The following MEI1 variants were observed in gnomAD, a reference collection of about 807,000 sequenced individuals.
MEI1 encodes meiotic double-stranded break formation protein 1.
In MEI1, 103 loss-of-function variants were observed where a neutral mutation model predicts 146.2. The ratio of observed to expected loss-of-function variants is 0.70; its 90% confidence interval spans 0.60 to 0.83. The LOEUF (loss-of-function observed/expected upper bound fraction) is 0.83. Among genes scored for constraint, MEI1 ranks in the 40% least tolerant of loss-of-function variants. The pLI is 0.00. For synonymous variants in MEI1, 652 were observed against 628.2 expected (o/e 1.04, Z -0.57); for missense variants, 1,529 against 1,533.0 (o/e 1.00, Z 0.04).
Position 41,784,790 on chromosome 22 carries a change from C to A in MEI1, c.3345+7C>A. The A allele has an allele frequency of 6.3e-7, 1 of 1,589,570 alleles. No homozygotes were observed. On this transcript the variant is annotated splice_region_variant and intron_variant, in intron 26 of 30. Coordinates refer to ENST00000401548, the MANE Select transcript of MEI1 (RefSeq NM_152513.4). ...GCAGAACCTCCTGGTGCAGGTAAGG[C>A]CCTTGCTGAGTGGGGCTTGCTTCTC...
At chr22:41,714,111 A>C in intron 4 of MEI1, 36 bp downstream of exon 4, 1 of 1,553,126 alleles carries the variant, frequency 6.4e-7, no homozygotes, top group Non-Finnish European at 8.8e-7. Flanking sequence ...AGTCTCTCAG[A>C]ATCCTCAGAT....
chr22:41,702,174 C>G (rs2068759312), intron 1 of MEI1, among the ~76,000 whole-genome samples: 1 of 152,200 alleles, frequency 6.6e-6, no homozygotes, highest in Admixed American at 6.5e-5. Context: ...TGGTTTCGCT[C>G]TCGTTGCCCA....
At chr22:41,791,866 A>G (rs1309116756) in intron 26 of MEI1, among the ~76,000 whole-genome samples, 1 of 152,246 alleles carries the variant, frequency 6.6e-6, no homozygotes, top group Non-Finnish European at 1.5e-5. Flanking sequence ...TGAGAACATT[A>G]AGTGAAAGAA....
intron 14 of MEI1, 99 bp downstream of exon 14, chr22:41,746,125 A>G: frequency 8.3e-7 from 1 of 1,207,764 alleles, no homozygotes; most frequent in Non-Finnish European, 1.1e-6. Context: ...TGCTCAAAGG[A>G]ACTCTCTGGG....
intron 15 of MEI1, 154 bp from the exon 16 acceptor site, chr22:41,752,437 T>C (rs989955052): frequency 1.5e-6 from 1 of 666,618 alleles, no homozygotes; most frequent in East Asian, 2.8e-5. Context: ...TAAAAAACTT[T>C]TCCGGAGTGA....
chr22:41,702,428 T>C (rs996523827), intron 1 of MEI1, among the ~76,000 whole-genome samples: 1 of 150,712 alleles, frequency 6.6e-6, no homozygotes, highest in African/African-American at 2.4e-5. Flanking sequence ...TGTGAGCCAC[T>C]GCACCCGGCT....
chr22:41,763,819 G>A (rs560983742), intron 19 of MEI1, among the ~76,000 whole-genome samples: 1 of 151,962 alleles, frequency 6.6e-6, no homozygotes, highest in African/African-American at 2.4e-5. Flanking sequence ...AGGATGCTAT[G>A]CAACAAACTC....
intron 7 of MEI1, among the ~76,000 whole-genome samples, chr22:41,724,296 G>A (rs1365324809): frequency 6.6e-6 from 1 of 152,100 alleles, no homozygotes; most frequent in Non-Finnish European, 1.5e-5. Context: ...AGACCAGCTT[G>A]GGCAATATGG....
At chr22:41,721,719 CTTTT>C (rs58572782) in intron 6 of MEI1, among the ~76,000 whole-genome samples, 1 of 102,212 alleles carries the variant, frequency 9.8e-6, no homozygotes, top group African/African-American at 4.1e-5. Context: ...AATGCTACCC[CTTTT>C]TTTTTTTTTT....
intron 22 of MEI1, among the ~76,000 whole-genome samples, chr22:41,780,942 A>G (rs2075729952): frequency 6.6e-6 from 1 of 152,158 alleles, no homozygotes; most frequent in Non-Finnish European, 1.5e-5. Flanking sequence ...AAGTGATGTG[A>G]GAGAGGGGAT....
rs571193551 is a variant in MEI1 at position 41,782,491 on chromosome 22, G to T, written c.3087+646G>T. On this transcript the variant is annotated intron_variant, in intron 24 of 30. Transcript: ENST00000401548. ...TCCTTCCCCTCAGCCCCTCCCTCTTGTAGGGCCTTGTCATCACAGTGCCCT... is the reference window on the plus strand; with the variant it reads ...TCCTTCCCCTCAGCCCCTCCCTCTTTTAGGGCCTTGTCATCACAGTGCCCT... Among the ~76,000 whole-genome samples the T allele has an allele frequency of 2.2e-4, 34 of 152,286 alleles. No individual in the cohort carries two copies. The South Asian group carries it at 7.1e-3, about 32-fold the overall frequency.
chr22:41,716,601 C>G (rs2070205909), intron 5 of MEI1, among the ~76,000 whole-genome samples: 1 of 151,676 alleles, frequency 6.6e-6, no homozygotes, highest in Non-Finnish European at 1.5e-5. Context: ...GTCTTGACCT[C>G]CCAACCTCAG....
chr22:41,712,530 C>T (rs1021017228), intron 3 of MEI1, among the ~76,000 whole-genome samples: 5 of 151,806 alleles, frequency 3.3e-5, no homozygotes, highest in Admixed American at 6.6e-5. Flanking sequence ...CCACTGCGCC[C>T]GGCTCAAAAG....
At chr22:41,711,999 C>T (rs865776654) in intron 3 of MEI1, among the ~76,000 whole-genome samples, 3 of 151,194 alleles carry the variant, frequency 2.0e-5, no homozygotes, top group Non-Finnish European at 4.4e-5. Context: ...GTTAGGAGTT[C>T]GAGACCAGCC....
chr22:41,711,586 G>A (rs2069575352), intron 3 of MEI1, among the ~76,000 whole-genome samples: 1 of 152,184 alleles, frequency 6.6e-6, no homozygotes, highest in Non-Finnish European at 1.5e-5. Context: ...TAAGGGTGAG[G>A]GGTGAAGGAC....
At chr22:41,732,221 C>A in intron 9 of MEI1, 24 bp from the exon 10 acceptor site, 2 of 1,575,422 alleles carry the variant, frequency 1.3e-6, no homozygotes, top group Non-Finnish European at 1.7e-6. Flanking sequence ...GATCCCTGGC[C>A]TCTGTCATGT....
chr22:41,777,304 C>T (rs1273976078), intron 21 of MEI1, among the ~76,000 whole-genome samples: 3 of 151,832 alleles, frequency 2.0e-5, no homozygotes, highest in African/African-American at 4.8e-5. Flanking sequence ...TACAGGCATG[C>T]GCCACTGCAC....
Position 41,795,294 on chromosome 22 carries a change from G to T in MEI1, c.3535-117G>T. On this transcript the variant is annotated intron_variant, in intron 28 of 30. Transcript: ENST00000401548. This position sits in a 1 kb window ranked among gnomAD's most constrained non-coding sequence, Gnocchi z 4.2. ...CCCACTAACTCTGAGCTCCTTGAAG[G>T]CAGGCAGGTTCTGTGGGCTTCAGGA... The T allele has an allele frequency of 7.1e-7, 1 of 1,400,778 alleles. No individual in the cohort carries two copies. Among genetic ancestry groups the T allele is most frequent in the Non-Finnish European group, 9.8e-7 (1 of 1,020,850 alleles). 86.8% of individuals were successfully genotyped at this position (1,400,778 alleles called of 1,614,324 possible). A position where few individuals can be genotyped will look rare whatever the true frequency, so the allele number is the denominator to read the frequency against.
At chr22:41,741,065 C>A (rs946654256) in intron 11 of MEI1, among the ~76,000 whole-genome samples, 3 of 152,190 alleles carry the variant, frequency 2.0e-5, no homozygotes, top group African/African-American at 7.2e-5. Context: ...CACGCGCCAC[C>A]ATGCCCAGCT....
Sources: gnomAD v4.1 joint callset for allele counts (sites outside exome capture counted in the v4.1 genomes callset) on GRCh38, gnomAD v4.1.1 for gene constraint, Gnocchi (gnomAD v3.1) non-coding constraint, MANE v1.5 for transcripts, NCBI Gene and HGNC (gene_info 2026-07-23, HGNC 2026-07-21) for gene names.